Variants in UPRT observed in about 807,000 individuals in gnomAD.
UPRT encodes the protein RP11-311P8.3.
UPRT carries 5 observed loss-of-function variants against 22.6 expected under a neutral mutation model. The observed-to-expected ratio is 0.22, with a 90% CI of 0.12 to 0.47. The LOEUF (loss-of-function observed/expected upper bound fraction) is 0.47, where lower values mean the gene tolerates loss of function less well. Ranked by LOEUF, UPRT falls within the 20% of genes least tolerant of loss-of-function variation. UPRT has a pLI of 0.99. For synonymous variants in UPRT, 77 were observed against 87.7 expected (o/e 0.88, Z 0.68); for missense variants, 181 against 239.9 (o/e 0.75, Z 1.62).
At chrX:75,234,078 AGGAT>A (rs2082450230) in intron 4 of UPRT, among the ~76,000 whole-genome samples, 1 of 110,451 alleles carries the variant, frequency 9.1e-6, no homozygotes, top group Admixed American at 9.7e-5. Flanking sequence ...TCAAAATAAA[AGGAT>A]GGAGGAAGAT....
intron 1 of UPRT, among the ~76,000 whole-genome samples, chrX:75,157,806 T>C (rs745821979): frequency 6.1e-4 from 68 of 112,319 alleles, no homozygotes; most frequent in Non-Finnish European, 1.2e-3. Flanking sequence ...TTGGCAAGAC[T>C]TAGTGACTAA....
At chrX:75,288,026 C>T (rs2082689616) in intron 1 of UPRT, among the ~76,000 whole-genome samples, 1 of 111,269 alleles carries the variant, frequency 9.0e-6, no homozygotes, top group African/African-American at 3.3e-5. Context: ...TACAAAAGAT[C>T]CTCAGAGACT....
chrX:75,231,804 T>C, intron 4 of UPRT, among the ~76,000 whole-genome samples: 1 of 112,272 alleles, frequency 8.9e-6, no homozygotes, highest in Non-Finnish European at 1.9e-5. Flanking sequence ...GATAAACTCC[T>C]TAAACAAATT....
chrX:75,259,090 A>AT (rs2082559319), intron 4 of UPRT, among the ~76,000 whole-genome samples: 1 of 111,645 alleles, frequency 9.0e-6, no homozygotes, highest in Non-Finnish European at 1.9e-5. Context: ...AACAAAGAGG[A>AT]TATCCACTAA....
intron 4 of UPRT, among the ~76,000 whole-genome samples, chrX:75,229,029 G>C (rs1189125750): frequency 8.9e-6 from 1 of 111,775 alleles, no homozygotes; most frequent in African/African-American, 3.3e-5. Context: ...GAGATATGTT[G>C]GTAAAAGCGT....
chrX:75,157,425 C>T (rs1306511770), intron 1 of UPRT, among the ~76,000 whole-genome samples: 1 of 111,876 alleles, frequency 8.9e-6, no homozygotes, highest in African/African-American at 3.3e-5. Context: ...ACTGGAATTA[C>T]ACGTAAAGAA....
chrX:75,269,194 A>C (rs1479971026), upstream of UPRT, among the ~76,000 whole-genome samples: 1 of 111,840 alleles, frequency 8.9e-6, no homozygotes, highest in Non-Finnish European at 1.9e-5. Context: ...AATAAAACTT[A>C]CAAGGGGTGT....
At chrX:75,250,633 C>G (rs1462755138) in intron 4 of UPRT, among the ~76,000 whole-genome samples, 3 of 111,194 alleles carry the variant, frequency 2.7e-5, no homozygotes, top group Non-Finnish European at 5.7e-5. Context: ...ACCAGAGGTA[C>G]AAGGAGGAGC....
intron 4 of UPRT, among the ~76,000 whole-genome samples, chrX:75,225,323 CCACACACACACACACA>C (rs57493246): frequency 2.4e-5 from 2 of 82,038 alleles, no homozygotes; most frequent in East Asian, 8.6e-4. Context: ...AAACCAAAAA[CCACACACACACACACA>C]CACACACACA....
chrX:75,255,652 T>A lies in UPRT; in HGVS notation c.-446-35372T>A, dbSNP rs1170865670. ...CACAAGGACTCACATAAAATGAAGG[T>A]AAAGGGATGGAAAGAGACATTTCAT... On this transcript the variant is annotated intron_variant, in intron 4 of 13. Coordinates refer to the UPRT transcript ENST00000652605. Among the ~76,000 whole-genome samples the A allele has an allele frequency of 8.1e-5, 9 of 110,901 alleles. No individual in the cohort carries two copies. In the East Asian group the frequency reaches 2.3e-3, roughly 28 times the overall value.
At chrX:75,274,766 CT>C in intron 1 of UPRT, 126 bp downstream of exon 1, 1 of 695,251 alleles carries the variant, frequency 1.4e-6, no homozygotes. Flanking sequence ...GGGGTAAGAC[CT>C]TTTATTTGGT....
chrX:75,184,418 T>C (rs1271613633), intron 4 of UPRT, among the ~76,000 whole-genome samples: 1 of 105,711 alleles, frequency 9.5e-6, no homozygotes, highest in African/African-American at 3.4e-5. Context: ...GCTGTTTTGG[T>C]TACTGTAGCC....
At chrX:75,169,683 G>C (rs1307763145) in intron 4 of UPRT, among the ~76,000 whole-genome samples, 2 of 111,786 alleles carry the variant, frequency 1.8e-5, no homozygotes, top group Non-Finnish European at 3.8e-5. Context: ...GACTTGTTTT[G>C]TGGCCTATCA....
chrX:75,256,643 A>G (rs1416259290), intron 4 of UPRT, among the ~76,000 whole-genome samples: 1 of 112,245 alleles, frequency 8.9e-6, no homozygotes, highest in Non-Finnish European at 1.9e-5. Flanking sequence ...AAGAAAAAAA[A>G]AGAGAAAATC....
chrX:75,179,867 C>T (rs763741074), intron 4 of UPRT, among the ~76,000 whole-genome samples: 12 of 112,888 alleles, frequency 1.1e-4, no homozygotes, highest in African/African-American at 3.2e-4. Flanking sequence ...CCGCAAGCGC[C>T]GCATGCAGCC....
chrX:75,303,719 C>G lies in UPRT; in HGVS notation c.*208C>G, dbSNP rs1011255112. 3.5e-6 allele frequency: 1 copy of G among 283,942 alleles called. No homozygotes were observed. Among genetic ancestry groups the G allele is most frequent in the Non-Finnish European group, 6.1e-6 (1 of 163,502 alleles). The allele number at this position is 283,942 out of a possible 1,213,427, so 23.4% of individuals were successfully genotyped here. ...AACAATGAAGTATATGCAACTCTTA[C>G]AAAACATAAATTTTAATAATATTCT... On this transcript the variant is annotated 3_prime_UTR_variant, in exon 7 of 7. Coordinates refer to ENST00000373383, the MANE Select transcript of UPRT (RefSeq NM_145052.4).
chrX:75,246,773 T>C (rs2034492756), intron 4 of UPRT, among the ~76,000 whole-genome samples: 2 of 111,990 alleles, frequency 1.8e-5, no homozygotes, highest in Non-Finnish European at 3.8e-5. Context: ...TGTTGTTTCC[T>C]GACTTTTTAA....
At chrX:75,161,354 G>A (rs923212862) in intron 2 of UPRT, among the ~76,000 whole-genome samples, 1 of 112,763 alleles carries the variant, frequency 8.9e-6, no homozygotes, top group Non-Finnish European at 1.9e-5. Context: ...TTGTCACCAT[G>A]CCATAGAGGG....
At position 75,303,352 on chromosome X, in the gene UPRT, TACAAC is replaced by T; in HGVS notation, c.824-52_824-48del. 4 of 975,591 alleles carry T rather than the reference TACAAC, an allele frequency of 4.1e-6. No homozygotes were observed. The East Asian group carries it at 1.3e-4, about 31-fold the overall frequency. 80.4% of individuals were successfully genotyped at this position (975,591 alleles called of 1,213,427 possible). On this transcript the variant is annotated intron_variant, in intron 6 of 6. Transcript: ENST00000373383. ...GGCAATAACTACAAAATTCCTGAAT[TACAAC>T]TGGTGTTACCAAAACATCCTACCAT...
Sources: gnomAD v4.1 joint callset for allele counts (sites outside exome capture counted in the v4.1 genomes callset) on GRCh38, gnomAD v4.1.1 for gene constraint, MANE v1.5 for transcripts, NCBI Gene and HGNC (gene_info 2026-07-23, HGNC 2026-07-21) for gene names.